IQSEC2: variants seen among roughly 807,000 people sequenced by gnomAD.
The protein encoded by IQSEC2 is IQ motif and Sec7 domain ArfGEF 2, also known as IQ motif and SEC7 domain-containing protein 2.
Under a neutral mutation model 74.6 loss-of-function variants are expected in IQSEC2, and 6 were observed. The observed-to-expected ratio is 0.08, with a 90% CI of 0.04 to 0.16. The LOEUF (loss-of-function observed/expected upper bound fraction) is 0.16. IQSEC2 is among the 10% of genes least tolerant of loss of function. The probability of loss-of-function intolerance (pLI) is 1.00; values close to 1 mark genes in which losing one functional copy is unlikely to be tolerated. For synonymous variants in IQSEC2, 494 were observed against 544.5 expected (o/e 0.91, Z 1.29); for missense variants, 734 against 1,306.2 (o/e 0.56, Z 6.75).
intron 3 of IQSEC2, 47 bp downstream of exon 3, chrX:53,255,753 T>A (rs782598773): frequency 8.3e-7 from 1 of 1,202,931 alleles, no homozygotes; most frequent in East Asian, 3.0e-5. Context: ...CCCCTGGCGC[T>A]CTCTTGCATC....
At chrX:53,264,891 A>G (rs980243241) in intron 2 of IQSEC2, among the ~76,000 whole-genome samples, 9 of 105,434 alleles carry the variant, frequency 8.5e-5, no homozygotes, top group Non-Finnish European at 1.4e-4. Context: ...TGGGAGATGG[A>G]GAGCTCGCAG....
Position 53,250,243 on chromosome X carries a change from G to A in IQSEC2, c.2297+36C>T, listed in dbSNP as rs2074364660. The A allele has an allele frequency of 9.1e-6, 11 of 1,205,573 alleles. 1 individual carries two copies. In the South Asian group the frequency reaches 1.8e-4, roughly 19 times the overall value. On this transcript the variant is annotated intron_variant, in intron 5 of 14. Transcript: ENST00000642864. ...GAACCCAAGTGCATGTGGCAGGGTA[G>A]GAAGGGGTAAGCAGGCTAGAACGGG... is the stretch of plus-strand genomic sequence containing the variant.
chrX:53,317,275 G>A (rs781904773), intron 1 of IQSEC2, among the ~76,000 whole-genome samples: 1 of 111,785 alleles, frequency 8.9e-6, no homozygotes, highest in African/African-American at 3.2e-5. Context: ...AAAGGAGACA[G>A]GGACGCATCT....
intron 1 of IQSEC2, among the ~76,000 whole-genome samples, chrX:53,302,806 G>A (rs1484183505): frequency 9.0e-6 from 1 of 111,405 alleles, no homozygotes; most frequent in Non-Finnish European, 1.9e-5. Context: ...GCATTTTAGT[G>A]TGTGCCTATA....
intron 2 of IQSEC2, chrX:53,266,730 C>T (rs2074663294): frequency 5.4e-5 from 51 of 943,216 alleles, no homozygotes; most frequent in Admixed American, 2.0e-4. Flanking sequence ...ACATTTTAGT[C>T]GGACCTAGGG....
intron 4 of IQSEC2, among the ~76,000 whole-genome samples, chrX:53,251,715 A>T (rs1056517644): frequency 7.1e-5 from 8 of 112,053 alleles, no homozygotes; most frequent in African/African-American, 2.6e-4. Flanking sequence ...TCTGTGTGAC[A>T]AACAGCATAT....
At chrX:53,236,552 T>C in intron 12 of IQSEC2, 57 bp from the exon 13 acceptor site, 1 of 1,107,821 alleles carries the variant, frequency 9.0e-7, no homozygotes, top group Non-Finnish European at 1.2e-6. Flanking sequence ...TGAGAGCCCA[T>C]CTGACTGACC....
rs1556861364 is a variant in IQSEC2, at chrX:53,243,408, C to A, written c.2813G>T (p.Gly938Val). 8.5e-7 allele frequency: 1 copy of A among 1,170,431 alleles called. No homozygotes were observed. The highest frequency in any genetic ancestry group is 2.5e-5 in the Admixed American group (1 of 39,284). The change falls in exon 9 of 15, where the codon GGG becomes GTG. Residue 938 changes from glycine to valine, a missense_variant. By Grantham distance (109) the Gly-to-Val change is moderately radical. Coordinates refer to ENST00000642864, the MANE Select transcript of IQSEC2 (RefSeq NM_001111125.3). ...GTCATCGTTGGTCCGCAGTTCACGC[C>A]CCTGGATGCGCTGGTAGATGCCCAC... ...LLVGIYQRIQ[G>V]RELRTNDDHV... is the part of the protein sequence containing the mutation.
intron 2 of IQSEC2, chrX:53,281,572 ACC>A: frequency 1.8e-6 from 2 of 1,134,495 alleles, no homozygotes; most frequent in Non-Finnish European, 1.2e-6. Flanking sequence ...CGGTGTCTCC[ACC>A]GTGTCACCAC....
intron 2 of IQSEC2, chrX:53,266,496 C>G: frequency 1.3e-6 from 1 of 757,512 alleles, no homozygotes; most frequent in Non-Finnish European, 1.6e-6. Context: ...AGCAAGGGAA[C>G]AAACGACAGG....
At chrX:53,275,728 C>CTTTTTTTTTT (rs1219701474) in intron 2 of IQSEC2, among the ~76,000 whole-genome samples, 1 of 81,692 alleles carries the variant, frequency 1.2e-5, no homozygotes, top group East Asian at 4.2e-4. Context: ...TGCCCTCATT[C>CTTTTTTTTTT]TTTTTTTTTT....
intron 2 of IQSEC2, among the ~76,000 whole-genome samples, chrX:53,287,505 C>T (rs931222856): frequency 1.1e-4 from 12 of 112,974 alleles, no homozygotes; most frequent in Non-Finnish European, 1.9e-4. Flanking sequence ...TGCAGGGCCA[C>T]GCGCCAGCAT....
At chrX:53,256,925 C>A (rs1556865423) in intron 2 of IQSEC2, among the ~76,000 whole-genome samples, 2 of 112,392 alleles carry the variant, frequency 1.8e-5, no homozygotes, top group Non-Finnish European at 3.8e-5. Flanking sequence ...GCTGTTGTTC[C>A]ACCAGAACTG....
At position 53,234,613 on chromosome X, in the gene IQSEC2, C is replaced by T. The variant is rs782285127; in HGVS notation, c.4073G>A (p.Arg1358His). Residue 1358 changes from arginine (R) to histidine (H), a missense_variant, in exon 15 of 15, where the codon CGC (arginine) becomes CAC (histidine). Around this residue, in one of 12 missense-constraint regions of IQSEC2, gnomAD observed 249 missense variants for 467.9 expected, o/e 0.53. Transcript: ENST00000642864. ...GGATGTGGGCTGGTGCAGGGGGTGG[C>T]GGCCATGTGGAGCAAACTGAGGGTG... The part of the protein sequence containing the change: ...GGHPQFAPHG[R>H]HPLHQPTSPL... The T allele has an allele frequency of 8.0e-6, 9 of 1,129,008 alleles. No individual in the cohort carries two copies. Among genetic ancestry groups the T allele is most frequent in the East Asian group, 3.3e-5 (1 of 30,281 alleles). The allele number at this position is 1,129,008 out of a possible 1,213,427, so 93.0% of individuals were successfully genotyped here.
At chrX:53,285,475 C>A (rs1556871573) in intron 2 of IQSEC2, among the ~76,000 whole-genome samples, 1 of 112,484 alleles carries the variant, frequency 8.9e-6, no homozygotes, top group Admixed American at 9.4e-5. Flanking sequence ...GTTTCCCCAC[C>A]TGTAAGTCAC....
chrX:53,242,511 C>T (rs1556861122), intron 9 of IQSEC2, among the ~76,000 whole-genome samples: 1 of 108,285 alleles, frequency 9.2e-6, no homozygotes, highest in African/African-American at 3.4e-5. Context: ...TTTCTCCAGG[C>T]TGAAAATGGT....
At chrX:53,232,239 C>T (rs1044615343), downstream of IQSEC2, among the ~76,000 whole-genome samples, 11 of 111,794 alleles carry the variant, frequency 9.8e-5, no homozygotes, top group Admixed American at 1.9e-4. Context: ...TCTCTGTAAA[C>T]GAAAGGGAGT....
Position 53,250,812 on chromosome X carries a change from A to T in IQSEC2, c.1764T>A (p.Ala588=). 1 of 1,208,440 alleles carries T rather than the reference A, an allele frequency of 8.3e-7. No homozygotes were observed. The highest frequency in any genetic ancestry group is 1.1e-6 in the Non-Finnish European group (1 of 893,545). ...CLECRDFRLR[A]AHLPLLTIEP... is the part of the protein sequence containing the mutation. The stretch of plus-strand genomic sequence containing the variant: ...CAATGGTAAGCAGGGGAAGGTGGGC[A>T]GCCCGCAGCCGGAAATCCCGGCACT... The change falls in exon 5 of 15, where the codon GCT becomes GCA. Residue 588 remains alanine (A), a synonymous_variant. Coordinates refer to ENST00000642864, the MANE Select transcript of IQSEC2 (RefSeq NM_001111125.3).
In IQSEC2 at chrX:53,309,215, G is replaced by A. The variant is rs1414044145; in HGVS notation, c.707+11202C>T. 3.6e-5 allele frequency among the ~76,000 whole-genome samples: 4 copies of A among 110,774 alleles called. No homozygotes were observed. The East Asian group carries it at 1.1e-3, about 31-fold the overall frequency. On this transcript the variant is annotated intron_variant, in intron 1 of 14. Transcript: ENST00000642864. Reference sequence around the variant, plus strand: ...AAAAGTCAAGATAATGTTTAAAGTTGATAAATAGGAAATACCCATTCAAGC... The same window carrying A: ...AAAAGTCAAGATAATGTTTAAAGTTAATAAATAGGAAATACCCATTCAAGC...
Sources: allele counts gnomAD v4.1 joint callset (sites outside exome capture counted in the v4.1 genomes callset), GRCh38; gene constraint gnomAD v4.1.1; regional missense constraint gnomAD v4.1.1; transcripts MANE v1.5; gene names NCBI Gene and HGNC (gene_info 2026-07-23, HGNC 2026-07-21).